The following PSMB3 variants were observed in gnomAD, a reference collection of about 807,000 sequenced individuals.
The protein encoded by PSMB3 is proteasome subunit beta type-3.
In PSMB3, 5 loss-of-function variants were observed where a neutral mutation model predicts 23.3. The observed-to-expected ratio is 0.21, with a 90% CI of 0.11 to 0.45. The LOEUF (loss-of-function observed/expected upper bound fraction) is 0.45, where lower values mean the gene tolerates loss of function less well. Ranked by LOEUF, PSMB3 falls within the 20% of genes least tolerant of loss-of-function variation. The pLI is 0.99. For missense variants in PSMB3, 192 were observed against 277.9 expected, an observed-to-expected ratio of 0.69 and a Z score of 2.20; for synonymous variants, 85 against 99.8, an observed-to-expected ratio of 0.85 and a Z score of 0.88.
chr17:38,755,612 G>A (rs1316585432), intron 2 of PSMB3, among the ~76,000 whole-genome samples: 3 of 144,940 alleles, frequency 2.1e-5, no homozygotes, highest in Admixed American at 7.2e-5. Flanking sequence ...CTGCGCCACT[G>A]CACTCCAGCC....
chr17:38,763,576 A>C (rs1908544670), intron 5 of PSMB3, among the ~76,000 whole-genome samples: 2 of 133,490 alleles, frequency 1.5e-5, no homozygotes, highest in Admixed American at 1.8e-4. Flanking sequence ...ATCTCAGCTC[A>C]CTGCAAACCT....
At position 38,753,521 on chromosome 17, in the gene PSMB3, C is replaced by G. The variant is rs555568841; in HGVS notation, c.188+187C>G. Among the ~76,000 whole-genome samples, 29 of 151,946 alleles carry G rather than the reference C, an allele frequency of 1.9e-4. No homozygotes were observed. In the South Asian group the frequency reaches 3.5e-3, roughly 19 times the overall value. On this transcript the variant is annotated intron_variant, in intron 2 of 5. Coordinates refer to ENST00000619426, the MANE Select transcript of PSMB3 (RefSeq NM_002795.4). ...TTAGACAGGGACTTGCTCTGTCACC[C>G]AGGCTGGAGCTCAGTGGCATGATCT...
chr17:38,762,252 A>T (rs1305497215), intron 4 of PSMB3, 159 bp from the exon 5 acceptor site: 1 of 625,686 alleles, frequency 1.6e-6, no homozygotes, highest in Non-Finnish European at 2.9e-6. Flanking sequence ...CCAAGGAAGG[A>T]GCTGAGAGGG....
intron 3 of PSMB3, among the ~76,000 whole-genome samples, chr17:38,758,970 C>T (rs1252115310): frequency 1.3e-5 from 2 of 152,142 alleles, no homozygotes; most frequent in Non-Finnish European, 2.9e-5. Flanking sequence ...GGCTCGAACC[C>T]AGGAGGCAGA....
chr17:38,753,025 A>G, intron 1 of PSMB3, 125 bp from the exon 2 acceptor site: 1 of 1,274,958 alleles, frequency 7.8e-7, no homozygotes, highest in Admixed American at 2.6e-5. Flanking sequence ...CAGCTGGAGA[A>G]CCAGGGGTTC....
intron 2 of PSMB3, 45 bp downstream of exon 2, chr17:38,753,379 C>A: frequency 6.4e-7 from 1 of 1,571,782 alleles, no homozygotes; most frequent in Non-Finnish European, 8.6e-7. Flanking sequence ...TCTTCTTGGA[C>A]CATCCAACCC....
chr17:38,763,793 C>T (rs959857735), intron 5 of PSMB3, among the ~76,000 whole-genome samples: 1 of 152,166 alleles, frequency 6.6e-6, no homozygotes, highest in Non-Finnish European at 1.5e-5. Flanking sequence ...TGAGCCACCG[C>T]GCCCGGCCAA....
intron 2 of PSMB3, 127 bp downstream of exon 2, chr17:38,753,461 CA>C (rs1054552741): frequency 1.2e-5 from 11 of 949,372 alleles, no homozygotes; most frequent in East Asian, 8.3e-5. Flanking sequence ...TTGCCGCCTC[CA>C]AAAAACATGT....
At chr17:38,756,685 A>C (rs903991551) in intron 3 of PSMB3, among the ~76,000 whole-genome samples, 4 of 151,980 alleles carry the variant, frequency 2.6e-5, no homozygotes, top group African/African-American at 9.7e-5. Flanking sequence ...CAGTAGAGAC[A>C]GAGTTTCAAC....
Position 38,755,910 on chromosome 17 carries a change from C to T in PSMB3, c.216C>T (p.Asn72=). 1 of 1,614,018 alleles carries T rather than the reference C, an allele frequency of 6.2e-7. No individual in the cohort carries two copies. Among genetic ancestry groups the T allele is most frequent in the Middle Eastern group, 1.6e-4 (1 of 6,062 alleles). ...TVAQRLKFRL[N]LYELKEGRQI... ...CCCAGCGCCTCAAGTTCCGGCTGAA[C>T]CTGTATGAGTTGAAGGAAGGTCGGC... Residue 72 remains asparagine, a synonymous_variant, in exon 3 of 6, where the codon AAC becomes AAT. Transcript: ENST00000619426.
At chr17:38,760,323 A>G (rs1908379075) in intron 3 of PSMB3, 108 bp from the exon 4 acceptor site, 2 of 1,266,826 alleles carry the variant, frequency 1.6e-6, no homozygotes, top group Non-Finnish European at 2.2e-6. Flanking sequence ...CAGGTCCTCC[A>G]TTTCCCTTTG....
rs1908491057 is a variant in PSMB3, at chr17:38,762,574, T to C, written c.569+69T>C. The C allele has an allele frequency of 2.8e-6, 4 of 1,435,288 alleles. No homozygotes were observed. The Admixed American group carries it at 6.8e-5, about 25-fold the overall frequency. The allele number at this position is 1,435,288 out of a possible 1,614,324, so 88.9% of individuals were successfully genotyped here. A position where few individuals can be genotyped will look rare whatever the true frequency, so the allele number is the denominator to read the frequency against. The stretch of plus-strand genomic sequence containing the variant: ...TGCCTCTCTCCCTTCTCCACGAGCA[T>C]ACACCCCATTTTCCCAGCCCCCTGG... On this transcript the variant is annotated intron_variant, in intron 5 of 5. Coordinates refer to ENST00000619426, the MANE Select transcript of PSMB3 (RefSeq NM_002795.4).
chr17:38,752,832 G>T lies in PSMB3; in HGVS notation c.3+3G>T, dbSNP rs1907992997. 1.9e-6 allele frequency: 3 copies of T among 1,614,128 alleles called. No homozygotes were observed. The highest frequency in any genetic ancestry group is 1.7e-6 in the Non-Finnish European group (2 of 1,180,010). ...GATCCTAGTACACCGCAATCATGGT[G>T]AGATGGGGAGTTAAAGCAAAGGGGC... On this transcript the variant is annotated splice_donor_region_variant and intron_variant, in intron 1 of 5. Transcript: ENST00000619426. The surrounding 1 kb of genome is among the most constrained non-coding windows in gnomAD (Gnocchi z 5.5).
chr17:38,754,092 G>GA (rs397770006), intron 2 of PSMB3, among the ~76,000 whole-genome samples: 25 of 6,672 alleles, frequency 3.7e-3, no homozygotes, highest in African/African-American at 6.6e-3. Context: ...GGGTACTGGT[G>GA]CCTGAGGAGC....
intron 2 of PSMB3, 107 bp from the exon 3 acceptor site, chr17:38,755,776 G>A: frequency 1.1e-6 from 1 of 907,698 alleles, no homozygotes; most frequent in South Asian, 1.5e-5. Flanking sequence ...GTTTTCCCTG[G>A]GCAGGGACTG....
At chr17:38,757,750 G>A (rs949214679) in intron 3 of PSMB3, among the ~76,000 whole-genome samples, 2 of 152,218 alleles carry the variant, frequency 1.3e-5, no homozygotes, top group African/African-American at 4.8e-5. Flanking sequence ...GGGTGGTGGA[G>A]GTTGCTGTGA....
chr17:38,762,251 G>A (rs1248885188), intron 4 of PSMB3, 160 bp from the exon 5 acceptor site: 1 of 621,920 alleles, frequency 1.6e-6, no homozygotes, highest in Non-Finnish European at 2.9e-6. Context: ...TCCAAGGAAG[G>A]AGCTGAGAGG....
chr17:38,758,905 G>C (rs1330072022), intron 3 of PSMB3, among the ~76,000 whole-genome samples: 1 of 152,156 alleles, frequency 6.6e-6, no homozygotes, highest in African/African-American at 2.4e-5. Context: ...CATTAGCTGG[G>C]CATGGTGGCG....
At chr17:38,759,837 G>C (rs767042726) in intron 3 of PSMB3, among the ~76,000 whole-genome samples, 1 of 152,056 alleles carries the variant, frequency 6.6e-6, no homozygotes, top group East Asian at 1.9e-4. Context: ...GTGAGCCACC[G>C]CGCCTGGCCC....
Sources: gnomAD v4.1 joint callset for allele counts (sites outside exome capture counted in the v4.1 genomes callset) on GRCh38, gnomAD v4.1.1 for gene constraint, Gnocchi (gnomAD v3.1) non-coding constraint, MANE v1.5 for transcripts, NCBI Gene and HGNC (gene_info 2026-07-23, HGNC 2026-07-21) for gene names.